The following PCNX2 variants were observed in gnomAD, a reference collection of about 807,000 sequenced individuals.
PCNX2 encodes the protein pecanex 2, also known as pecanex-like protein 2.
A neutral mutation model predicts 223.8 loss-of-function variants in PCNX2; 168 were observed. The ratio of observed to expected loss-of-function variants is 0.75; its 90% CI spans 0.66 to 0.85. The LOEUF (loss-of-function observed/expected upper bound fraction) is 0.85, where lower values mean the gene tolerates loss of function less well. Ranked by LOEUF, PCNX2 falls within the 40% of genes least tolerant of loss-of-function variation. The pLI is 0.00. For missense variants in PCNX2, 2,507 were observed against 2,675.5 expected, an observed-to-expected ratio of 0.94 and a Z score of 1.39; for synonymous variants, 1,006 against 1,052.6, an observed-to-expected ratio of 0.96 and a Z score of 0.86.
chr1:233,188,768 TC>T (rs1680254300), intron 15 of PCNX2, among the ~76,000 whole-genome samples: 1 of 152,108 alleles, frequency 6.6e-6, no homozygotes, highest in African/African-American at 2.4e-5. Flanking sequence ...TGATCCACCC[TC>T]CTCAGCCTCC....
chr1:233,054,568 T>C lies in PCNX2; in HGVS notation c.4136-85A>G, dbSNP rs994789064. 3.6e-6 allele frequency: 4 copies of C among 1,107,842 alleles called. No homozygotes were observed. In the African/African-American group the frequency reaches 6.3e-5, roughly 17 times the overall value. 68.6% of individuals were successfully genotyped at this position (1,107,842 alleles called of 1,614,324 possible). A position where few individuals can be genotyped will look rare whatever the true frequency, so the allele number is the denominator to read the frequency against. On this transcript the variant is annotated intron_variant, in intron 24 of 33. Transcript: ENST00000258229. ...TAGGAAACAGTGAGTTGTCATCTGA[T>C]TAAGGGTAAAATCAGACTCTTTATA...
At chr1:233,194,270 C>T (rs1318117710) in intron 15 of PCNX2, among the ~76,000 whole-genome samples, 2 of 152,008 alleles carry the variant, frequency 1.3e-5, no homozygotes, top group African/African-American at 2.4e-5. Flanking sequence ...GGGAAAAAAG[C>T]TTTTAAGCAG....
intron 19 of PCNX2, among the ~76,000 whole-genome samples, chr1:233,153,385 A>G (rs1225659839): frequency 6.6e-6 from 1 of 152,208 alleles, no homozygotes; most frequent in African/African-American, 2.4e-5. Flanking sequence ...CTGTGTGGAA[A>G]GTTGGAATGA....
intron 25 of PCNX2, among the ~76,000 whole-genome samples, chr1:233,046,652 C>T (rs985972044): frequency 1.3e-5 from 2 of 152,110 alleles, no homozygotes; most frequent in South Asian, 2.1e-4. Flanking sequence ...CTGTGGCTGG[C>T]AGGAAGAAGG....
intron 13 of PCNX2, among the ~76,000 whole-genome samples, 174 bp from the exon 14 acceptor site, chr1:233,200,438 G>A (rs1681011379): frequency 7.3e-6 from 1 of 137,378 alleles, no homozygotes; most frequent in South Asian, 2.3e-4. Flanking sequence ...CGCCCAGGCT[G>A]GAGTGCAGTG....
the PCNX2 span, among the ~76,000 whole-genome samples, chr1:233,324,288 A>C: frequency 6.6e-6 from 1 of 152,248 alleles, no homozygotes; most frequent in South Asian, 2.1e-4. Flanking sequence ...CATCTAGCTA[A>C]GATAATTGAT....
chr1:233,000,858 C>G lies in PCNX2; in HGVS notation c.5098-323G>C, dbSNP rs544603250. ...CATCTTTCTTCTAGTGGAATATCAC[C>G]ACCTCCTAGCCTAGCTGCTCTTGAG... On this transcript the variant is annotated intron_variant, in intron 29 of 33. Transcript: ENST00000258229. The surrounding 1 kb of genome is among the most constrained non-coding windows in gnomAD (Gnocchi z 4.6). 2.0e-5 allele frequency among the ~76,000 whole-genome samples: 3 copies of G among 152,270 alleles called. No individual in the cohort carries two copies. The East Asian group carries it at 5.8e-4, about 29-fold the overall frequency.
chr1:233,027,909 T>C (rs1000075243), intron 25 of PCNX2, among the ~76,000 whole-genome samples: 1 of 152,248 alleles, frequency 6.6e-6, no homozygotes, highest in Non-Finnish European at 1.5e-5. Context: ...ATTGCTTTAG[T>C]TGCATCCCAC....
chr1:232,987,445 G>C (rs1669533857), intron 32 of PCNX2, among the ~76,000 whole-genome samples: 1 of 152,216 alleles, frequency 6.6e-6, no homozygotes, highest in African/African-American at 2.4e-5. Flanking sequence ...GGGGCTAATT[G>C]CAAAATATCA....
In PCNX2 at chr1:232,999,313, G is replaced by A. The variant is rs201746355; in HGVS notation, c.5395C>T (p.Arg1799Cys). 1.2e-4 allele frequency: 195 copies of A among 1,606,856 alleles called. No homozygotes were observed. The highest frequency in any genetic ancestry group is 1.5e-4 in the Non-Finnish European group (181 of 1,176,624). The stretch of plus-strand genomic sequence containing the variant: ...TGGATACTGCCGCGCTCCGGATTGC[G>A]GTTGCGAAGAAATATAAGCTCCTGC... ...QQQELIFLRN[R>C]NPERGSIQNN... The change falls in exon 31 of 34, where the codon CGC (arginine) becomes TGC (cysteine). Residue 1799 changes from arginine (R) to cysteine (C), a missense_variant. Arg to Cys is a radical substitution (Grantham distance 180). Around this residue, in one of 3 missense-constraint regions of PCNX2, gnomAD observed 1,372 missense variants for 1,509.4 expected, o/e 0.91. Coordinates refer to ENST00000258229, the MANE Select transcript of PCNX2 (RefSeq NM_014801.4).
chr1:232,997,093 C>T (rs1669902273), intron 32 of PCNX2, among the ~76,000 whole-genome samples: 1 of 152,108 alleles, frequency 6.6e-6, no homozygotes, highest in African/African-American at 2.4e-5. Flanking sequence ...TTTCCTTATC[C>T]CCTGCCCCGC....
intron 15 of PCNX2, among the ~76,000 whole-genome samples, chr1:233,194,227 A>G (rs1393740440): frequency 3.3e-5 from 5 of 152,324 alleles, no homozygotes; most frequent in African/African-American, 1.2e-4. Context: ...ATTATACAAG[A>G]CAAAAGAAAA....
chr1:233,083,659 T>C (rs1175500955), intron 23 of PCNX2, among the ~76,000 whole-genome samples: 2 of 152,248 alleles, frequency 1.3e-5, no homozygotes, highest in African/African-American at 4.8e-5. Context: ...ATTTTGTTGT[T>C]AGATAAACCA....
At chr1:233,218,246 C>CAT in intron 10 of PCNX2, 62 bp from the exon 11 acceptor site, 2 of 498,820 alleles carry the variant, frequency 4.0e-6, no homozygotes, top group Non-Finnish European at 5.6e-6. Flanking sequence ...TAAGTTTTGC[C>CAT]TTTTTTTTTT....
At chr1:233,012,573 T>C (rs1476518856) in intron 28 of PCNX2, among the ~76,000 whole-genome samples, 3 of 152,072 alleles carry the variant, frequency 2.0e-5, no homozygotes, top group Non-Finnish European at 4.4e-5. Context: ...CTCATCACCA[T>C]GTCTGCAGCA....
chr1:233,133,674 A>G (rs1676638748), intron 21 of PCNX2, among the ~76,000 whole-genome samples: 2 of 148,480 alleles, frequency 1.3e-5, no homozygotes, highest in African/African-American at 4.9e-5. Flanking sequence ...TAGGCAACAT[A>G]GCAAGACCCT....
At chr1:233,211,960 G>A (rs1681844535) in intron 12 of PCNX2, 1 of 226,302 alleles carries the variant, frequency 4.4e-6, no homozygotes, top group Admixed American at 6.5e-5. Flanking sequence ...TTTCTCGGCT[G>A]TTGCCCTGTG....
chr1:233,241,976 A>G (rs953179240), intron 8 of PCNX2, among the ~76,000 whole-genome samples: 1 of 152,188 alleles, frequency 6.6e-6, no homozygotes, highest in Non-Finnish European at 1.5e-5. Flanking sequence ...CCAGGTAGAT[A>G]ATTAAACATT....
intron 1 of PCNX2, among the ~76,000 whole-genome samples, chr1:233,275,406 T>C (rs990242841): frequency 6.6e-6 from 1 of 152,030 alleles, no homozygotes; most frequent in Non-Finnish European, 1.5e-5. Flanking sequence ...TTTCACCATG[T>C]TGGCCAGACT....
Sources: allele counts gnomAD v4.1 joint callset (sites outside exome capture counted in the v4.1 genomes callset), GRCh38; gene constraint gnomAD v4.1.1; regional missense constraint gnomAD v4.1.1; non-coding constraint Gnocchi (gnomAD v3.1); transcripts MANE v1.5; gene names NCBI Gene and HGNC (gene_info 2026-07-23, HGNC 2026-07-21).